Variants in TGFBR3 observed in about 807,000 individuals in gnomAD.
TGFBR3 encodes the protein transforming growth factor beta receptor type 3.
Under a neutral mutation model 87.9 loss-of-function variants are expected in TGFBR3, and 46 were observed. The ratio of observed to expected loss-of-function variants is 0.52; its 90% CI spans 0.41 to 0.67. TGFBR3 has a LOEUF of 0.67. Ranked by LOEUF, TGFBR3 falls within the 30% of genes least tolerant of loss-of-function variation. TGFBR3 has a pLI of 0.00. For missense variants in TGFBR3, 866 were observed against 1,041.9 expected (o/e 0.83, Z 2.32); for synonymous variants, 381 against 391.6 (o/e 0.97, Z 0.32).
intron 2 of TGFBR3, among the ~76,000 whole-genome samples, chr1:91,831,065 C>T (rs184260270): frequency 6.6e-6 from 1 of 152,264 alleles, no homozygotes; most frequent in Non-Finnish European, 1.5e-5. Flanking sequence ...CAAGCCTGTC[C>T]AAAGGCCACA....
At chr1:91,750,299 G>A (rs563912597) in intron 4 of TGFBR3, among the ~76,000 whole-genome samples, 3 of 152,286 alleles carry the variant, frequency 2.0e-5, no homozygotes, top group African/African-American at 7.2e-5. Context: ...AAATCCCAGG[G>A]AGTCTTTCAA....
chr1:91,887,569 T>A (rs1679360969), upstream of TGFBR3, among the ~76,000 whole-genome samples: 1 of 152,078 alleles, frequency 6.6e-6, no homozygotes, highest in Admixed American at 6.6e-5. Context: ...CCTGGCTCAA[T>A]CCTAGGCTTT....
intron 2 of TGFBR3, among the ~76,000 whole-genome samples, chr1:91,814,828 A>G (rs190184014): frequency 1.6e-3 from 247 of 152,350 alleles, no homozygotes; most frequent in African/African-American, 5.9e-3. Context: ...GTATAAATAA[A>G]CGGGCAAATA....
At chr1:91,756,020 A>G (rs928324687) in intron 4 of TGFBR3, among the ~76,000 whole-genome samples, 1 of 152,240 alleles carries the variant, frequency 6.6e-6, no homozygotes, top group African/African-American at 2.4e-5. Flanking sequence ...TCAAGATAAC[A>G]GCCCTATGAT....
At chr1:91,772,264 A>C (rs758487476) in intron 3 of TGFBR3, among the ~76,000 whole-genome samples, 4 of 152,146 alleles carry the variant, frequency 2.6e-5, no homozygotes, top group Admixed American at 1.3e-4. Flanking sequence ...TGATTCACTA[A>C]ATGAACTTCC....
At chr1:91,848,209 A>G (rs969404493) in intron 2 of TGFBR3, among the ~76,000 whole-genome samples, 3 of 152,196 alleles carry the variant, frequency 2.0e-5, no homozygotes, top group Non-Finnish European at 4.4e-5. Flanking sequence ...AGGTGTTTGC[A>G]GTTTCTGTGT....
chr1:91,683,437 T>C lies in TGFBR3; in HGVS notation c.*302A>G, dbSNP rs556859031. 3.6e-5 allele frequency: 22 copies of C among 603,904 alleles called. No individual in the cohort carries two copies. Among genetic ancestry groups the C allele is most frequent in the South Asian group, 3.0e-4 (20 of 65,848 alleles). The allele number at this position is 603,904 out of a possible 1,614,324, so 37.4% of individuals were successfully genotyped here. A position where few individuals can be genotyped will look rare whatever the true frequency, so the allele number is the denominator to read the frequency against. On this transcript the variant is annotated 3_prime_UTR_variant, in exon 17 of 17. Transcript: ENST00000212355. ...CTGGACAAAGCAGCATTTTAAAAACTGGCATGTGTTTCACATTGAAAACCC... is the reference window on the plus strand; with the variant it reads ...CTGGACAAAGCAGCATTTTAAAAACCGGCATGTGTTTCACATTGAAAACCC...
At chr1:91,893,681 T>G (rs1212269271) in intron 2 of TGFBR3, among the ~76,000 whole-genome samples, 1 of 150,312 alleles carries the variant, frequency 6.7e-6, no homozygotes. Flanking sequence ...AAGCAATCTT[T>G]TATCCTGTTT....
At chr1:91,893,002 CT>C in intron 2 of TGFBR3, among the ~76,000 whole-genome samples, 1 of 152,242 alleles carries the variant, frequency 6.6e-6, no homozygotes, top group East Asian at 1.9e-4. Flanking sequence ...AGAAAACAAC[CT>C]CATTGACTTC....
chr1:91,774,703 G>C (rs1460962226), intron 3 of TGFBR3, among the ~76,000 whole-genome samples: 4 of 152,244 alleles, frequency 2.6e-5, no homozygotes, highest in African/African-American at 4.8e-5. Flanking sequence ...GCGGTGATTG[G>C]GAATTCTTTC....
intron 3 of TGFBR3, among the ~76,000 whole-genome samples, chr1:91,794,957 C>T (rs1467407729): frequency 2.0e-5 from 3 of 152,184 alleles, no homozygotes; most frequent in East Asian, 1.9e-4. Flanking sequence ...TGCATAGCTG[C>T]GGGAATGTTC....
chr1:91,798,720 T>C (rs1675484016), intron 2 of TGFBR3, among the ~76,000 whole-genome samples: 1 of 152,206 alleles, frequency 6.6e-6, no homozygotes, highest in South Asian at 2.1e-4. Flanking sequence ...TCAGCATTCA[T>C]CTGCAGTGCC....
intron 2 of TGFBR3, among the ~76,000 whole-genome samples, chr1:91,809,672 T>A (rs372955986): frequency 6.6e-6 from 1 of 152,230 alleles, no homozygotes; most frequent in South Asian, 2.1e-4. Flanking sequence ...ATCAGGGCAC[T>A]CACAATTGGT....
chr1:91,791,970 G>C (rs1179643088), intron 3 of TGFBR3, among the ~76,000 whole-genome samples: 1 of 152,130 alleles, frequency 6.6e-6, no homozygotes, highest in Non-Finnish European at 1.5e-5. Flanking sequence ...ACTTGACAGT[G>C]TTTACTTCCT....
At position 91,719,950 on chromosome 1, in the gene TGFBR3, C is replaced by T. The variant is rs754966297; in HGVS notation, c.1356G>A (p.Leu452=). The change falls in exon 9 of 17, where the codon CTG becomes CTA. Residue 452 remains leucine, a synonymous_variant. Coordinates refer to ENST00000212355, the MANE Select transcript of TGFBR3 (RefSeq NM_003243.5). ...TCTTCTCATTGTCACATTTGACAGA[C>T]AGGGCAATATCCACGCTCCCTTGCA... ...EEVQGSVDIA[L]SVKCDNEKMI... The T allele has an allele frequency of 1.2e-6, 2 of 1,614,198 alleles. No homozygotes were observed. Among genetic ancestry groups the T allele is most frequent in the Non-Finnish European group, 1.7e-6 (2 of 1,180,030 alleles).
At chr1:91,727,547 A>C in intron 7 of TGFBR3, 112 bp downstream of exon 7, 1 of 1,365,058 alleles carries the variant, frequency 7.3e-7, no homozygotes, top group Non-Finnish European at 1.0e-6. Context: ...AATAATTGAC[A>C]GAGCTTAGAG....
At position 91,681,723 on chromosome 1, in the gene TGFBR3, T is replaced by C. The variant is rs1009642832; in HGVS notation, c.*2016A>G. ...TAAATATATCTTTATACACAAATTT[T>C]GTAGTAAAATATAGCTATAAGTGAC... On this transcript the variant is annotated 3_prime_UTR_variant, in exon 17 of 17. Coordinates refer to ENST00000212355, the MANE Select transcript of TGFBR3 (RefSeq NM_003243.5). 4 of 433,858 alleles carry C rather than the reference T, an allele frequency of 9.2e-6. No individual in the cohort carries two copies. The highest frequency in any genetic ancestry group is 2.1e-5 in the African/African-American group (1 of 48,678). The allele number at this position is 433,858 out of a possible 1,614,324, so 26.9% of individuals were successfully genotyped here.
chr1:91,790,698 A>C (rs1230012161), intron 3 of TGFBR3, among the ~76,000 whole-genome samples: 1 of 152,204 alleles, frequency 6.6e-6, no homozygotes, highest in East Asian at 1.9e-4. Context: ...CTCAAACATA[A>C]ATAGCCCTGG....
At chr1:91,776,439 T>C in intron 3 of TGFBR3, among the ~76,000 whole-genome samples, 1 of 152,222 alleles carries the variant, frequency 6.6e-6, no homozygotes, top group East Asian at 1.9e-4. Flanking sequence ...CTATAGGAAG[T>C]GTGTTGTGAA....
Sources: gnomAD v4.1 joint callset for allele counts (sites outside exome capture counted in the v4.1 genomes callset) on GRCh38, gnomAD v4.1.1 for gene constraint, MANE v1.5 for transcripts, NCBI Gene and HGNC (gene_info 2026-07-23, HGNC 2026-07-21) for gene names.